Variants in VPS53 observed in about 807,000 individuals in gnomAD.
VPS53 encodes vacuolar protein sorting-associated protein 53 homolog.
Under a neutral mutation model 107.0 loss-of-function variants are expected in VPS53, and 70 were observed. The observed-to-expected ratio is 0.65, with a 90% CI of 0.54 to 0.80. The LOEUF (loss-of-function observed/expected upper bound fraction) is 0.80, where lower values mean the gene tolerates loss of function less well. VPS53 is among the 30% of genes least tolerant of loss of function. VPS53 has a pLI of 0.00. For missense variants in VPS53, 917 were observed against 1,049.4 expected (o/e 0.87, Z 1.74); for synonymous variants, 409 against 393.3 (o/e 1.04, Z -0.47).
chr17:517,241 C>G lies in VPS53; in HGVS notation c.*1887G>C. ...TGAAGGCCGCATCTCCTTCTCGCAA[C>G]ACTTCTTTTCTCCTCCGCATTCTCA... On this transcript the variant is annotated 3_prime_UTR_variant, in exon 22 of 22. Transcript: ENST00000437048. The G allele has an allele frequency of 2.6e-6, 1 of 388,598 alleles. No individual in the cohort carries two copies. The highest frequency in any genetic ancestry group is 4.5e-6 in the Non-Finnish European group (1 of 220,324). 24.1% of individuals were successfully genotyped at this position (388,598 alleles called of 1,614,324 possible). A position where few individuals can be genotyped will look rare whatever the true frequency, so the allele number is the denominator to read the frequency against.
At chr17:574,457 G>C (rs1213435758) in intron 13 of VPS53, among the ~76,000 whole-genome samples, 1 of 152,168 alleles carries the variant, frequency 6.6e-6, no homozygotes, top group Non-Finnish European at 1.5e-5. Context: ...GGCTACCTCA[G>C]ACATGTGCTT....
At position 519,711 on chromosome 17, in the gene VPS53, G is replaced by C; in HGVS notation, c.2328+115C>G. The C allele has an allele frequency of 1.2e-6, 1 of 806,766 alleles. No individual in the cohort carries two copies. The highest frequency in any genetic ancestry group is 2.0e-6 in the Non-Finnish European group (1 of 491,096). The allele number at this position is 806,766 out of a possible 1,614,324, so 50.0% of individuals were successfully genotyped here. A position where few individuals can be genotyped will look rare whatever the true frequency, so the allele number is the denominator to read the frequency against. On this transcript the variant is annotated intron_variant, in intron 21 of 21. Transcript: ENST00000437048. The surrounding 1 kb of genome is among the most constrained non-coding windows in gnomAD (Gnocchi z 5.0). ...CTCTGAATCCGGTTTGCTCTGTGGA[G>C]CCAGGCACATGCATTTTGAGAAAGC... is the stretch of plus-strand genomic sequence containing the variant.
intron 12 of VPS53, among the ~76,000 whole-genome samples, chr17:589,464 T>C (rs2143001739): frequency 6.6e-6 from 1 of 152,290 alleles, no homozygotes; most frequent in South Asian, 2.1e-4. Flanking sequence ...AAGGACATTA[T>C]GTCTACAACT....
At chr17:687,615 G>C (rs978389691) in intron 4 of VPS53, among the ~76,000 whole-genome samples, 1 of 151,598 alleles carries the variant, frequency 6.6e-6, no homozygotes, top group Non-Finnish European at 1.5e-5. Context: ...GCATGTGCCT[G>C]TGGTCCCAGC....
chr17:528,875 A>G (rs1909314070), intron 19 of VPS53, among the ~76,000 whole-genome samples: 1 of 152,176 alleles, frequency 6.6e-6, no homozygotes, highest in Non-Finnish European at 1.5e-5. Context: ...CTGGGATTAC[A>G]GGTGTGAACC....
chr17:608,059 C>G (rs930740885), intron 11 of VPS53, among the ~76,000 whole-genome samples: 3 of 152,192 alleles, frequency 2.0e-5, no homozygotes. Context: ...TTCTGCATTT[C>G]TCACTCCATA....
rs527950607 is a variant in VPS53 at position 644,171 on chromosome 17, C to T, written c.608+9120G>A. The stretch of plus-strand genomic sequence containing the variant: ...GAAAAAACTCTTTCCTCCAATGCTA[C>T]ATTAAGCATGGAAGCATTTGCCAGA... On this transcript the variant is annotated intron_variant, in intron 7 of 21. Transcript: ENST00000437048. Among the ~76,000 whole-genome samples, 3 of 152,328 alleles carry T rather than the reference C, an allele frequency of 2.0e-5. No individual in the cohort carries two copies. In the East Asian group the frequency reaches 5.8e-4, roughly 29 times the overall value.
rs1183418396 is a variant in VPS53 at position 519,204 on chromosome 17, G to T, written c.2423C>A (p.Ser808Tyr). 2 of 1,549,390 alleles carry T rather than the reference G, an allele frequency of 1.3e-6. No homozygotes were observed. Among genetic ancestry groups the T allele is most frequent in the African/African-American group, 2.7e-5 (2 of 72,902 alleles). Residue 808 changes from serine (S) to tyrosine (Y), a missense_variant, in exon 22 of 22, where the codon TCC becomes TAC. Coordinates refer to ENST00000437048, the MANE Select transcript of VPS53 (RefSeq NM_001128159.3). The surrounding 1 kb of genome is among the most constrained non-coding windows in gnomAD (Gnocchi z 5.0). ...PSGAESSGSLSLTAPTPEQES... is the reference protein window; with the variant it reads ...PSGAESSGSLYLTAPTPEQES... ...TTGCTCTGGTGTTGGCGCCGTCAGG[G>T]ACAGTGAGCCGGAGCTTTCTGCCCC...
At chr17:540,838 T>C (rs7217744) in intron 17 of VPS53, among the ~76,000 whole-genome samples, 33,417 of 152,076 alleles carry the variant, frequency 0.22, 6,904 homozygotes, top group African/African-American at 0.53. Context: ...GCCCAGCTTC[T>C]GCGGCCTGGG....
chr17:622,749 T>G (rs910718505), intron 11 of VPS53, among the ~76,000 whole-genome samples: 3 of 151,810 alleles, frequency 2.0e-5, no homozygotes, highest in Non-Finnish European at 4.4e-5. Flanking sequence ...AGAGATAGGG[T>G]GTCACTCTGT....
At chr17:536,606 T>C (rs1283352388) in intron 18 of VPS53, 1 of 170,122 alleles carries the variant, frequency 5.9e-6, no homozygotes, top group Non-Finnish European at 1.3e-5. Flanking sequence ...TATGCTTCTT[T>C]TGTGTACAAA....
intron 19 of VPS53, 142 bp downstream of exon 19, chr17:532,700 C>A: frequency 7.0e-7 from 1 of 1,426,906 alleles, no homozygotes; most frequent in South Asian, 1.6e-5. Flanking sequence ...ATTAAGAAAC[C>A]TTCCGGGTGA....
intron 2 of VPS53, among the ~76,000 whole-genome samples, chr17:702,471 G>A (rs1973240542): frequency 6.6e-6 from 1 of 152,110 alleles, no homozygotes; most frequent in South Asian, 2.1e-4. Flanking sequence ...AGACCAGCCA[G>A]GCCAATATGG....
intron 13 of VPS53, among the ~76,000 whole-genome samples, chr17:571,750 G>A (rs2151865678): frequency 6.6e-6 from 1 of 152,376 alleles, no homozygotes; most frequent in Admixed American, 6.5e-5. Flanking sequence ...TCGCTGTGTT[G>A]GCCGGGCTGG....
intron 14 of VPS53, 140 bp downstream of exon 14, chr17:562,363 A>G: frequency 1.7e-6 from 2 of 1,167,644 alleles, no homozygotes; most frequent in Non-Finnish European, 2.4e-6. Flanking sequence ...AAATAGCTTC[A>G]GGCCCTCGGG....
At chr17:655,807 G>A (rs1971165148) in intron 6 of VPS53, 31 bp downstream of exon 6, 3 of 1,579,524 alleles carry the variant, frequency 1.9e-6, no homozygotes, top group Non-Finnish European at 2.6e-6. Context: ...CATTTCCCGT[G>A]GCCCCAAAAG....
chr17:575,983 C>T (rs1914569309), intron 13 of VPS53, among the ~76,000 whole-genome samples: 1 of 151,252 alleles, frequency 6.6e-6, no homozygotes, highest in Admixed American at 6.6e-5. Flanking sequence ...GAACCTAATG[C>T]ATTCGCAGAG....
intron 4 of VPS53, among the ~76,000 whole-genome samples, chr17:693,702 A>G (rs750319986): frequency 1.6e-4 from 24 of 152,210 alleles, no homozygotes; most frequent in Non-Finnish European, 3.5e-4. Flanking sequence ...CTCCAGCCTG[A>G]GCAACAAGGC....
chr17:704,168 A>T (rs984383661), intron 2 of VPS53, among the ~76,000 whole-genome samples: 1 of 152,176 alleles, frequency 6.6e-6, no homozygotes, highest in Admixed American at 6.5e-5. Context: ...TCAGTTTACT[A>T]TTAGGAGGCT....
Sources: gnomAD v4.1 joint callset for allele counts (sites outside exome capture counted in the v4.1 genomes callset) on GRCh38, gnomAD v4.1.1 for gene constraint, Gnocchi (gnomAD v3.1) non-coding constraint, MANE v1.5 for transcripts, NCBI Gene and HGNC (gene_info 2026-07-23, HGNC 2026-07-21) for gene names.